The following XPR1 variants were observed in gnomAD, a reference collection of about 807,000 sequenced individuals.
XPR1 encodes xenotropic and polytropic retrovirus receptor 1.
In XPR1, 28 loss-of-function variants were observed where a neutral mutation model predicts 87.5. The ratio of observed to expected loss-of-function variants is 0.32; its 90% CI spans 0.24 to 0.44. XPR1 has a LOEUF of 0.44. XPR1 is among the 20% of genes least tolerant of loss of function. XPR1 has a pLI of 1.00. For missense variants in XPR1, 559 were observed against 862.3 expected (o/e 0.65, Z 4.41); for synonymous variants, 300 against 306.1 (o/e 0.98, Z 0.21).
Position 180,759,883 on chromosome 1 carries a change from G to A in XPR1, c.122-27870G>A, listed in dbSNP as rs377070203. Among the ~76,000 whole-genome samples, 80 of 152,212 alleles carry A rather than the reference G, an allele frequency of 5.3e-4. 8 individuals carry two copies. The highest frequency in any genetic ancestry group is 2.5e-3 in the Admixed American group (38 of 15,286). ...ATCCTCAATAAAATACTGACAAACC[G>A]AATCCAGCAGCACATCAAAAAGCTT... is the stretch of plus-strand genomic sequence containing the variant. On this transcript the variant is annotated intron_variant, in intron 2 of 14. Coordinates refer to ENST00000367590, the MANE Select transcript of XPR1 (RefSeq NM_004736.4).
intron 3 of XPR1, among the ~76,000 whole-genome samples, chr1:180,792,551 T>G (rs1649425733): frequency 6.6e-6 from 1 of 152,244 alleles, no homozygotes. Context: ...GTTACTTTGT[T>G]AGTCTTTATT....
chr1:180,653,089 C>A (rs1291999674), intron 1 of XPR1, among the ~76,000 whole-genome samples: 3 of 152,138 alleles, frequency 2.0e-5, no homozygotes, highest in Non-Finnish European at 4.4e-5. Flanking sequence ...GGCTAGCTTA[C>A]CCCTAAGTGG....
intron 2 of XPR1, among the ~76,000 whole-genome samples, chr1:180,694,364 G>T (rs1657093293): frequency 6.6e-6 from 1 of 152,142 alleles, no homozygotes; most frequent in African/African-American, 2.4e-5. Flanking sequence ...GTTTCTACCT[G>T]CTGTATTGTG....
chr1:180,808,722 A>G (rs1345963834), intron 6 of XPR1, among the ~76,000 whole-genome samples: 1 of 152,228 alleles, frequency 6.6e-6, no homozygotes, highest in African/African-American at 2.4e-5. Context: ...CATTATGGAA[A>G]TGCCAATTAA....
intron 1 of XPR1, among the ~76,000 whole-genome samples, chr1:180,653,574 C>T (rs1655360275): frequency 6.6e-6 from 1 of 152,038 alleles, no homozygotes. Context: ...CAGTGGATGC[C>T]TAAAACCATG....
At chr1:180,764,653 A>G (rs1648200308) in intron 2 of XPR1, among the ~76,000 whole-genome samples, 1 of 151,540 alleles carries the variant, frequency 6.6e-6, no homozygotes, top group Non-Finnish European at 1.5e-5. Context: ...TATTTTTTGT[A>G]GAGGTGGGGT....
intron 2 of XPR1, among the ~76,000 whole-genome samples, chr1:180,717,187 T>C: frequency 6.6e-6 from 1 of 152,120 alleles, no homozygotes; most frequent in East Asian, 1.9e-4. Context: ...GAGAAGGTGT[T>C]TCACCATGTT....
At chr1:180,726,992 A>G (rs975010151) in intron 2 of XPR1, among the ~76,000 whole-genome samples, 25 of 151,260 alleles carry the variant, frequency 1.7e-4, no homozygotes, top group African/African-American at 5.8e-4. Context: ...CTCCTGCCTC[A>G]GCCTCCCGAG....
At chr1:180,811,709 G>A (rs1650221584) in intron 7 of XPR1, among the ~76,000 whole-genome samples, 1 of 151,952 alleles carries the variant, frequency 6.6e-6, no homozygotes, top group Non-Finnish European at 1.5e-5. Flanking sequence ...CATTGCTCAT[G>A]TATGACTTCT....
intron 2 of XPR1, among the ~76,000 whole-genome samples, chr1:180,720,290 A>G (rs1356736167): frequency 1.3e-5 from 2 of 152,212 alleles, no homozygotes; most frequent in African/African-American, 2.4e-5. Context: ...ATGTAATAAT[A>G]TATTGACAAA....
intron 2 of XPR1, among the ~76,000 whole-genome samples, chr1:180,786,591 T>A (rs965192959): frequency 2.6e-5 from 4 of 152,166 alleles, no homozygotes; most frequent in Non-Finnish European, 4.4e-5. Flanking sequence ...TCTCTACATA[T>A]GGGATTCAGT....
At chr1:180,688,404 T>A (rs1656863945) in intron 2 of XPR1, among the ~76,000 whole-genome samples, 1 of 152,018 alleles carries the variant, frequency 6.6e-6, no homozygotes, top group African/African-American at 2.4e-5. Flanking sequence ...ATTTTTTAAA[T>A]AATGCATATT....
intron 2 of XPR1, among the ~76,000 whole-genome samples, chr1:180,768,913 T>G (rs534850650): frequency 1.3e-5 from 2 of 152,288 alleles, no homozygotes; most frequent in African/African-American, 4.8e-5. Context: ...TATTGAAGGA[T>G]GTTATGGTGG....
chr1:180,733,253 G>C (rs2102013680), intron 2 of XPR1, among the ~76,000 whole-genome samples: 1 of 152,216 alleles, frequency 6.6e-6, no homozygotes, highest in East Asian at 1.9e-4. Context: ...CTATGTCCGT[G>C]GGGGCTATTT....
chr1:180,809,921 A>G (rs191721367), intron 6 of XPR1, among the ~76,000 whole-genome samples: 2 of 152,214 alleles, frequency 1.3e-5, no homozygotes, highest in African/African-American at 4.8e-5. Context: ...CTAACAATAC[A>G]GTTAGAATCT....
chr1:180,792,389 T>C (rs1178181842), intron 3 of XPR1, among the ~76,000 whole-genome samples: 1 of 152,224 alleles, frequency 6.6e-6, no homozygotes, highest in East Asian at 1.9e-4. Flanking sequence ...TGCTAAAATT[T>C]GGAATTTTTT....
chr1:180,665,953 C>T (rs1655946348), intron 1 of XPR1, among the ~76,000 whole-genome samples: 1 of 152,160 alleles, frequency 6.6e-6, no homozygotes, highest in South Asian at 2.1e-4. Flanking sequence ...TCTGCCTCCC[C>T]TAACTATGAT....
At chr1:180,713,962 A>G (rs771992899) in intron 2 of XPR1, among the ~76,000 whole-genome samples, 4 of 152,004 alleles carry the variant, frequency 2.6e-5, no homozygotes, top group Non-Finnish European at 4.4e-5. Context: ...ATTCTTTTTA[A>G]CTGTTTGGTA....
At chr1:180,838,729 A>G (rs1006981917) in intron 11 of XPR1, among the ~76,000 whole-genome samples, 1 of 152,164 alleles carries the variant, frequency 6.6e-6, no homozygotes, top group Non-Finnish European at 1.5e-5. Context: ...AAATATTTCT[A>G]TTGTGCAATA....
Sources: allele counts gnomAD v4.1 joint callset (sites outside exome capture counted in the v4.1 genomes callset), GRCh38; gene constraint gnomAD v4.1.1; transcripts MANE v1.5; gene names NCBI Gene and HGNC (gene_info 2026-07-23, HGNC 2026-07-21).